SULF2: variants seen among roughly 807,000 people sequenced by gnomAD.
SULF2 encodes the protein extracellular sulfatase Sulf-2.
In SULF2, 52 loss-of-function variants were observed where a neutral mutation model predicts 107.7. That is an observed-to-expected ratio of 0.48 (90% CI 0.39 to 0.61). SULF2 has a LOEUF of 0.61. SULF2 is among the 20% of genes least tolerant of loss of function. The pLI, the probability that SULF2 is intolerant of heterozygous loss-of-function variation, is 0.00. For missense variants in SULF2, 993 were observed against 1,177.3 expected, an observed-to-expected ratio of 0.84 and a Z score of 2.29; for synonymous variants, 460 against 464.3, an observed-to-expected ratio of 0.99 and a Z score of 0.12.
intron 3 of SULF2, among the ~76,000 whole-genome samples, chr20:47,725,272 A>G (rs892116792): frequency 6.6e-6 from 1 of 152,222 alleles, no homozygotes; most frequent in African/African-American, 2.4e-5. Flanking sequence ...TATTCCGTAC[A>G]TTCCTGGGAA....
chr20:47,767,993 C>T (rs1360281486), intron 1 of SULF2, among the ~76,000 whole-genome samples: 1 of 152,130 alleles, frequency 6.6e-6, no homozygotes. Flanking sequence ...TCTGGAGCTA[C>T]AATGCTAGAT....
At chr20:47,700,229 A>G (rs533600897) in intron 4 of SULF2, among the ~76,000 whole-genome samples, 2 of 152,312 alleles carry the variant, frequency 1.3e-5, no homozygotes, top group Admixed American at 6.5e-5. Flanking sequence ...AACTACAGCC[A>G]AGCAGGTCGA....
At chr20:47,769,046 C>T (rs2090579141) in intron 1 of SULF2, among the ~76,000 whole-genome samples, 1 of 11,362 alleles carries the variant, frequency 8.8e-5, no homozygotes, top group Non-Finnish European at 1.2e-4. Flanking sequence ...ATGCCTGCCT[C>T]ATTTTTTTTT....
At chr20:47,660,450 A>C (rs2087028253) in intron 18 of SULF2, among the ~76,000 whole-genome samples, 1 of 152,050 alleles carries the variant, frequency 6.6e-6, no homozygotes, top group Non-Finnish European at 1.5e-5. Context: ...AATTCCTCCT[A>C]AGCTGTGTAG....
At chr20:47,754,440 T>G (rs1465522701) in intron 2 of SULF2, among the ~76,000 whole-genome samples, 1 of 152,160 alleles carries the variant, frequency 6.6e-6, no homozygotes, top group Non-Finnish European at 1.5e-5. Context: ...GTCTAGTGGT[T>G]TATAAAAAGC....
chr20:47,758,686 G>A (rs2090351557), intron 1 of SULF2, among the ~76,000 whole-genome samples: 1 of 152,110 alleles, frequency 6.6e-6, no homozygotes, highest in South Asian at 2.1e-4. Flanking sequence ...GCTCTCCGTG[G>A]TCATTTTTTC....
chr20:47,746,994 AAT>A (rs57147246), intron 2 of SULF2, among the ~76,000 whole-genome samples: 19 of 131,914 alleles, frequency 1.4e-4, no homozygotes, highest in South Asian at 2.3e-4. Context: ...AAAAAAAAAA[AAT>A]ATATATATAT....
chr20:47,666,407 A>G lies in SULF2; in HGVS notation c.1658T>C (p.Leu553Pro). 1 of 1,613,914 alleles carries G rather than the reference A, an allele frequency of 6.2e-7. No individual in the cohort carries two copies. The highest frequency in any genetic ancestry group is 8.5e-7 in the Non-Finnish European group (1 of 1,180,024). Residue 553 changes from leucine (L) to proline (P), a missense_variant, in exon 12 of 21, where the codon CTG becomes CCG. Physicochemically the swap from Leu to Pro is moderately conservative, Grantham distance 98. This residue lies in a region of SULF2 where 497 missense variants were observed against 544.1 expected (regional missense o/e 0.91). Coordinates refer to ENST00000688720, the MANE Select transcript of SULF2 (RefSeq NM_001387048.1). This position sits in a 1 kb window ranked among gnomAD's most constrained non-coding sequence, Gnocchi z 5.4. ...EVDGRVYHVG[L>P]GDAAQPRNLT... ...GTTTCGGGGCTGGGCGGCATCACCC[A>G]GGCCTACGTGGTACACCCTGCCGTC...
At chr20:47,784,724 G>C (rs773329692) in intron 1 of SULF2, among the ~76,000 whole-genome samples, 51 of 152,220 alleles carry the variant, frequency 3.4e-4, no homozygotes, top group Admixed American at 1.5e-3. Flanking sequence ...GTTTGGAAAA[G>C]TGCACTCCTA....
chr20:47,743,560 T>G (rs2089939460), intron 2 of SULF2, among the ~76,000 whole-genome samples: 1 of 152,212 alleles, frequency 6.6e-6, no homozygotes, highest in Non-Finnish European at 1.5e-5. Flanking sequence ...TCCTCCTTCC[T>G]TGGCCTCCCA....
At chr20:47,662,511 C>A (rs2087110558) in intron 17 of SULF2, among the ~76,000 whole-genome samples, 1 of 152,224 alleles carries the variant, frequency 6.6e-6, no homozygotes, top group African/African-American at 2.4e-5. Context: ...GGCCACAGTA[C>A]AGGAAAGCTC....
chr20:47,779,091 C>T (rs573127172), intron 1 of SULF2, among the ~76,000 whole-genome samples: 2 of 152,300 alleles, frequency 1.3e-5, no homozygotes, highest in East Asian at 1.9e-4. Context: ...CTCCTATCTT[C>T]CCTATTTAGC....
chr20:47,677,800 T>C (rs6094776), intron 8 of SULF2: 46,815 of 152,842 alleles, frequency 0.31, 7,384 homozygotes, highest in East Asian at 0.5. Context: ...TCCCCAAACA[T>C]GTCCATTTTA....
At chr20:47,669,861 C>A (rs750626765) in intron 11 of SULF2, among the ~76,000 whole-genome samples, 13 of 152,166 alleles carry the variant, frequency 8.5e-5, no homozygotes, top group Non-Finnish European at 1.9e-4. Flanking sequence ...CCTGCCAGAT[C>A]TTGTATTATT....
At chr20:47,671,882 T>C (rs980625030) in intron 11 of SULF2, among the ~76,000 whole-genome samples, 3 of 151,024 alleles carry the variant, frequency 2.0e-5, no homozygotes, top group African/African-American at 4.9e-5. Flanking sequence ...ATCTGGCTAA[T>C]TGTTGTATTT....
chr20:47,717,889 C>G (rs2089173706), intron 3 of SULF2, among the ~76,000 whole-genome samples: 1 of 151,180 alleles, frequency 6.6e-6, no homozygotes, highest in African/African-American at 2.4e-5. Flanking sequence ...TCTCGGCTCA[C>G]TGCAAACCTC....
intron 10 of SULF2, among the ~76,000 whole-genome samples, chr20:47,674,787 T>G (rs2087585720): frequency 6.6e-6 from 1 of 152,176 alleles, no homozygotes. Flanking sequence ...GTACAGCTTC[T>G]ACACTGGGCA....
At chr20:47,661,719 C>T in intron 18 of SULF2, 54 bp downstream of exon 18, 1 of 1,420,180 alleles carries the variant, frequency 7.0e-7, no homozygotes, top group Non-Finnish European at 9.4e-7. Context: ...CTCCTGAGTC[C>T]CTTCCTTTGG....
intron 11 of SULF2, among the ~76,000 whole-genome samples, chr20:47,671,008 TCC>T (rs2087452458): frequency 6.6e-6 from 1 of 152,118 alleles, no homozygotes; most frequent in Non-Finnish European, 1.5e-5. Flanking sequence ...CCCCGACGCC[TCC>T]ACACATTTTC....
Sources: gnomAD v4.1 joint callset for allele counts (sites outside exome capture counted in the v4.1 genomes callset) on GRCh38, gnomAD v4.1.1 for gene constraint, gnomAD v4.1.1 regional missense constraint, Gnocchi (gnomAD v3.1) non-coding constraint, MANE v1.5 for transcripts, NCBI Gene and HGNC (gene_info 2026-07-23, HGNC 2026-07-21) for gene names.